The following GRIN2A variants were observed in gnomAD, a reference collection of about 807,000 sequenced individuals.
GRIN2A encodes glutamate receptor ionotropic, NMDA 2A.
In GRIN2A, 22 loss-of-function variants were observed where a neutral mutation model predicts 113.4. That is an observed-to-expected ratio of 0.19 (90% CI 0.14 to 0.28). GRIN2A has a LOEUF of 0.28. Among genes scored for constraint, GRIN2A ranks in the 10% least tolerant of loss-of-function variants. The pLI, the probability that GRIN2A is intolerant of heterozygous loss-of-function variation, is 1.00. For synonymous variants in GRIN2A, 827 were observed against 738.4 expected, an observed-to-expected ratio of 1.12 and a Z score of -1.94; for missense variants, 1,502 against 1,887.0, an observed-to-expected ratio of 0.80 and a Z score of 3.78.
At chr16:9,872,824 G>A (rs2043293559) in intron 4 of GRIN2A, among the ~76,000 whole-genome samples, 2 of 152,086 alleles carry the variant, frequency 1.3e-5, no homozygotes, top group African/African-American at 2.4e-5. Flanking sequence ...GAGCTCAGGA[G>A]TTTGAGACTA....
At chr16:9,852,777 C>T (rs900277174) in intron 4 of GRIN2A, among the ~76,000 whole-genome samples, 1 of 152,172 alleles carries the variant, frequency 6.6e-6, no homozygotes, top group Non-Finnish European at 1.5e-5. Context: ...TCTTCACTTT[C>T]CCTGCCTATA....
Position 9,755,333 on chromosome 16 carries a change from C to T in GRIN2A, c.*7816G>A, listed in dbSNP as rs969486711. On this transcript the variant is annotated 3_prime_UTR_variant, in exon 13 of 13. Coordinates refer to ENST00000330684, the MANE Select transcript of GRIN2A (RefSeq NM_001134407.3). ...GGTCAAATCGTTCTTTGGAGTGCTC[C>T]ATTTCTGCATAGCTCAACATTCCAA... is the stretch of plus-strand genomic sequence containing the variant. The T allele has an allele frequency of 2.1e-5, 4 of 186,544 alleles. No homozygotes were observed. The highest frequency in any genetic ancestry group is 3.9e-4 in the South Asian group (2 of 5,106). The allele number at this position is 186,544 out of a possible 1,614,324, so 11.6% of individuals were successfully genotyped here. A position where few individuals can be genotyped will look rare whatever the true frequency, so the allele number is the denominator to read the frequency against.
At chr16:10,141,176 G>C (rs969080614) in intron 2 of GRIN2A, among the ~76,000 whole-genome samples, 10 of 152,106 alleles carry the variant, frequency 6.6e-5, no homozygotes, top group Middle Eastern at 3.2e-3. Flanking sequence ...TTAGGAGACA[G>C]AGCAAGACAC....
chr16:10,060,851 G>C (rs1159434895), intron 2 of GRIN2A, among the ~76,000 whole-genome samples: 4 of 152,142 alleles, frequency 2.6e-5, no homozygotes, highest in African/African-American at 9.7e-5. Flanking sequence ...ACCCACAACA[G>C]TGCAAGCCAA....
At chr16:10,166,575 C>G (rs1567344681) in intron 2 of GRIN2A, among the ~76,000 whole-genome samples, 1 of 152,192 alleles carries the variant, frequency 6.6e-6, no homozygotes, top group Non-Finnish European at 1.5e-5. Flanking sequence ...TCTGCATTCC[C>G]ATGGTCCCGT....
At chr16:10,103,293 G>A (rs1407313301) in intron 2 of GRIN2A, among the ~76,000 whole-genome samples, 2 of 152,166 alleles carry the variant, frequency 1.3e-5, no homozygotes, top group Non-Finnish European at 2.9e-5. Flanking sequence ...ATCACTGAAA[G>A]AAACAACACA....
chr16:10,008,395 A>T (rs1451796268), intron 2 of GRIN2A, among the ~76,000 whole-genome samples: 1 of 152,214 alleles, frequency 6.6e-6, no homozygotes, highest in Admixed American at 6.5e-5. Context: ...GGGAGTAGTA[A>T]GACTAACTTT....
rs970380223 is a variant in GRIN2A, at chr16:9,993,126, G to C, written c.415-54575C>G. On this transcript the variant is annotated intron_variant, in intron 2 of 12. Coordinates refer to ENST00000330684, the MANE Select transcript of GRIN2A (RefSeq NM_001134407.3). ...ACGTCTGTAGTCCCAGCTACTCCTC[G>C]GGAGGCTGAGGCCCAAGAATCATTT... is the stretch of plus-strand genomic sequence containing the variant. 2.0e-5 allele frequency among the ~76,000 whole-genome samples: 3 copies of C among 151,946 alleles called. No homozygotes were observed. In the East Asian group the frequency reaches 5.8e-4, roughly 29 times the overall value.
At chr16:9,945,690 C>G (rs758048920) in intron 2 of GRIN2A, among the ~76,000 whole-genome samples, 4 of 152,100 alleles carry the variant, frequency 2.6e-5, no homozygotes, top group Non-Finnish European at 5.9e-5. Flanking sequence ...ATAGGTAAGC[C>G]TACATTGACT....
chr16:9,890,811 C>T (rs1170523175), intron 4 of GRIN2A, among the ~76,000 whole-genome samples, 175 bp downstream of exon 4: 1 of 152,174 alleles, frequency 6.6e-6, no homozygotes, highest in African/African-American at 2.4e-5. Flanking sequence ...GAAAGCATTC[C>T]AATTGCACCT....
chr16:9,928,264 C>T (rs1490026200), intron 3 of GRIN2A, among the ~76,000 whole-genome samples: 3 of 152,092 alleles, frequency 2.0e-5, no homozygotes, highest in African/African-American at 7.2e-5. Flanking sequence ...TGGAGAGGCC[C>T]GTTCTGCCTC....
chr16:10,022,038 C>T (rs1304552047), intron 2 of GRIN2A, among the ~76,000 whole-genome samples: 2 of 152,156 alleles, frequency 1.3e-5, no homozygotes, highest in African/African-American at 2.4e-5. Context: ...GCTGTTCCTC[C>T]ATGTCCCACC....
chr16:9,777,477 C>T (rs1901674514), intron 11 of GRIN2A, among the ~76,000 whole-genome samples: 1 of 152,120 alleles, frequency 6.6e-6, no homozygotes, highest in African/African-American at 2.4e-5. Context: ...GATAAATATT[C>T]CTTATTTAAA....
At chr16:9,863,992 A>T (rs1218893375) in intron 4 of GRIN2A, among the ~76,000 whole-genome samples, 1 of 152,236 alleles carries the variant, frequency 6.6e-6, no homozygotes, top group African/African-American at 2.4e-5. Flanking sequence ...GGTTAAACAC[A>T]TAACATTGGA....
chr16:10,127,737 A>G (rs78414451), intron 2 of GRIN2A, among the ~76,000 whole-genome samples: 37 of 152,330 alleles, frequency 2.4e-4, no homozygotes, highest in African/African-American at 8.9e-4. Flanking sequence ...TGGAAGCAAG[A>G]AAAGGGCCAG....
At chr16:9,840,548 C>A in intron 7 of GRIN2A, 99 bp downstream of exon 7, 1 of 1,114,290 alleles carries the variant, frequency 9.0e-7, no homozygotes, top group Admixed American at 1.7e-5. Flanking sequence ...CATGGCCAAA[C>A]AGAGCTAAAC....
chr16:9,898,576 G>C (rs35467874), intron 3 of GRIN2A, among the ~76,000 whole-genome samples: 1 of 151,850 alleles, frequency 6.6e-6, no homozygotes, highest in African/African-American at 2.4e-5. Context: ...AACCCATTTA[G>C]TGTTTCTCAA....
chr16:10,094,449 A>G (rs1386198487), intron 2 of GRIN2A, among the ~76,000 whole-genome samples: 1 of 148,422 alleles, frequency 6.7e-6, no homozygotes, highest in African/African-American at 2.6e-5. Flanking sequence ...CTCACCAAGA[A>G]AACAGTTTTT....
intron 2 of GRIN2A, chr16:10,179,487 T>C (rs1208144945): frequency 5.8e-6 from 1 of 171,358 alleles, no homozygotes. Flanking sequence ...TTTTGTGCTT[T>C]ACCTAAAAAC....
Sources: allele counts gnomAD v4.1 joint callset (sites outside exome capture counted in the v4.1 genomes callset), GRCh38; gene constraint gnomAD v4.1.1; transcripts MANE v1.5; gene names NCBI Gene and HGNC (gene_info 2026-07-23, HGNC 2026-07-21).